The following SPTLC2 variants were observed in gnomAD, a reference collection of about 807,000 sequenced individuals.
SPTLC2 encodes serine palmitoyltransferase long chain base subunit 2, also known as serine palmitoyltransferase 2.
Under a neutral mutation model 62.0 loss-of-function variants are expected in SPTLC2, and 21 were observed. The ratio of observed to expected loss-of-function variants is 0.34; its 90% CI spans 0.24 to 0.49. The LOEUF (loss-of-function observed/expected upper bound fraction) is 0.49. SPTLC2 is among the 20% of genes least tolerant of loss of function. The pLI is 0.99. For missense variants in SPTLC2, 511 were observed against 713.0 expected, an observed-to-expected ratio of 0.72 and a Z score of 3.23; for synonymous variants, 261 against 261.8, an observed-to-expected ratio of 1.00 and a Z score of 0.03.
intron 8 of SPTLC2, among the ~76,000 whole-genome samples, chr14:77,553,063 T>C (rs1442990247): frequency 6.6e-6 from 1 of 152,166 alleles, no homozygotes; most frequent in Non-Finnish European, 1.5e-5. Flanking sequence ...ACTTACAAGG[T>C]ATTTTATTAA....
chr14:77,591,887 G>A (rs893786059), intron 2 of SPTLC2, among the ~76,000 whole-genome samples: 3 of 151,806 alleles, frequency 2.0e-5, no homozygotes. Flanking sequence ...CCACGCCCCA[G>A]ATAATTCTTG....
At chr14:77,598,588 T>C (rs2079860832) in intron 1 of SPTLC2, among the ~76,000 whole-genome samples, 1 of 152,198 alleles carries the variant, frequency 6.6e-6, no homozygotes, top group Admixed American at 6.5e-5. Context: ...TTAACCTTTG[T>C]TGGTAGTGAT....
intron 7 of SPTLC2, among the ~76,000 whole-genome samples, chr14:77,556,741 T>C (rs1000753185): frequency 1.3e-5 from 2 of 152,002 alleles, no homozygotes; most frequent in Non-Finnish European, 2.9e-5. Flanking sequence ...TGTTTTGACA[T>C]ATTAAAATAT....
chr14:77,588,980 G>A (rs2079798597), intron 2 of SPTLC2, among the ~76,000 whole-genome samples: 3 of 101,258 alleles, frequency 3.0e-5, no homozygotes, highest in Admixed American at 2.9e-4. Context: ...CTGGGTGACA[G>A]AGTAAGACCT....
At chr14:77,564,223 C>T in intron 5 of SPTLC2, among the ~76,000 whole-genome samples, 1 of 111,316 alleles carries the variant, frequency 9.0e-6, no homozygotes, top group Admixed American at 1.2e-4. Context: ...CAGAGGGAGA[C>T]TCTGTCTGGG....
Position 77,555,467 on chromosome 14 carries a change from A to G in SPTLC2, c.1009T>C (p.Tyr337His), listed in dbSNP as rs2079578053. Residue 337 changes from tyrosine (Y) to histidine (H), a missense_variant, in exon 8 of 12, where the codon TAC (tyrosine) becomes CAC (histidine). Tyr to His is a moderately conservative substitution (Grantham distance 83). Coordinates refer to ENST00000216484, the MANE Select transcript of SPTLC2 (RefSeq NM_004863.4). ...LPEVIALKKK[Y>H]KAYLYLDEAH... ...TCATCCAGATACAAGTATGCCTTGT[A>G]TTTCTTCTTGAGGGCAATCACTTCA... 6.2e-7 allele frequency: 1 copy of G among 1,614,136 alleles called. No individual in the cohort carries two copies. The highest frequency in any genetic ancestry group is 8.5e-7 in the Non-Finnish European group (1 of 1,180,026).
intron 1 of SPTLC2, among the ~76,000 whole-genome samples, chr14:77,614,027 A>C (rs2079951690): frequency 6.6e-6 from 1 of 152,234 alleles, no homozygotes; most frequent in Non-Finnish European, 1.5e-5. Context: ...GTTTTCTAGA[A>C]GGGATACTGC....
At chr14:77,613,088 T>C (rs975760595) in intron 1 of SPTLC2, among the ~76,000 whole-genome samples, 3 of 152,122 alleles carry the variant, frequency 2.0e-5, no homozygotes, top group African/African-American at 7.2e-5. Context: ...AACTACTATA[T>C]TTCAGGTGCA....
intron 9 of SPTLC2, among the ~76,000 whole-genome samples, chr14:77,529,300 G>T: frequency 7.3e-6 from 1 of 136,722 alleles, no homozygotes; most frequent in Admixed American, 7.7e-5. Context: ...TTCTAGGACA[G>T]TTTAAACCAG....
At chr14:77,532,677 G>A (rs1017917456) in intron 9 of SPTLC2, among the ~76,000 whole-genome samples, 197 of 152,076 alleles carry the variant, frequency 1.3e-3, no homozygotes, top group African/African-American at 4.4e-3. Flanking sequence ...CCAGCTACTC[G>A]GGAGGCTGAG....
chr14:77,582,691 G>A (rs1157143645), intron 2 of SPTLC2, among the ~76,000 whole-genome samples: 3 of 152,190 alleles, frequency 2.0e-5, no homozygotes, highest in African/African-American at 7.2e-5. Context: ...GCCTGCCATG[G>A]TCAGGCATTT....
At position 77,511,738 on chromosome 14, in the gene SPTLC2, G is replaced by C. The variant is rs2079333146; in HGVS notation, c.*546C>G. The C allele has an allele frequency of 5.8e-6, 1 of 173,256 alleles. No homozygotes were observed. The allele number at this position is 173,256 out of a possible 1,614,324, so 10.7% of individuals were successfully genotyped here. A position where few individuals can be genotyped will look rare whatever the true frequency, so the allele number is the denominator to read the frequency against. ...TCATCGCTTACTGTTTTTCTTAAAAGGCTAAACTTAAGATTAAAGGGTGAA... is the reference window on the plus strand; with the variant it reads ...TCATCGCTTACTGTTTTTCTTAAAACGCTAAACTTAAGATTAAAGGGTGAA... On this transcript the variant is annotated 3_prime_UTR_variant, in exon 12 of 12. Coordinates refer to ENST00000216484, the MANE Select transcript of SPTLC2 (RefSeq NM_004863.4).
rs36088012 is a variant in SPTLC2 at position 77,587,925 on chromosome 14, T to TTTGTTG, written c.328-8822_328-8817dup. ...GTTTTGAATTTTTATTTGGGCAACA[T>TTTGTTG]TTGTTGTTGTTGTTGTTGTTATTGT... On this transcript the variant is annotated intron_variant, in intron 2 of 11. Coordinates refer to ENST00000216484, the MANE Select transcript of SPTLC2 (RefSeq NM_004863.4). 4.0e-4 allele frequency among the ~76,000 whole-genome samples: 61 copies of TTTGTTG among 151,202 alleles called. 1 individual carries two copies. Among genetic ancestry groups the TTTGTTG allele is most frequent in the Non-Finnish European group, 7.5e-4 (51 of 67,830 alleles).
intron 6 of SPTLC2, among the ~76,000 whole-genome samples, chr14:77,562,038 G>C (rs2079617590): frequency 6.6e-6 from 1 of 152,176 alleles, no homozygotes; most frequent in Non-Finnish European, 1.5e-5. Flanking sequence ...GTAAGGACTG[G>C]CTTATCTATT....
Position 77,597,453 on chromosome 14 carries a change from A to G in SPTLC2, c.133-73T>C, listed in dbSNP as rs560414312. 4 of 1,419,174 alleles carry G rather than the reference A, an allele frequency of 2.8e-6. No homozygotes were observed. In the South Asian group the frequency reaches 4.7e-5, roughly 17 times the overall value. 87.9% of individuals were successfully genotyped at this position (1,419,174 alleles called of 1,614,324 possible). On this transcript the variant is annotated intron_variant, in intron 1 of 11. Transcript: ENST00000216484. ...ATTCCTACCTAAAATCTAGGTCCTT[A>G]GAGATTTGCTGAATTATACCTTAAG... is the stretch of plus-strand genomic sequence containing the variant.
Position 77,548,685 on chromosome 14 carries a change from C to A in SPTLC2, c.1303+3411G>T, listed in dbSNP as rs185823647. On this transcript the variant is annotated intron_variant, in intron 9 of 11. Coordinates refer to ENST00000216484, the MANE Select transcript of SPTLC2 (RefSeq NM_004863.4). The stretch of plus-strand genomic sequence containing the variant: ...CTCACCTGAGATCCTAGTGAAGTTG[C>A]CTTTCAAGATCTGTCAACCTAGTCA... Among the ~76,000 whole-genome samples, 343 of 152,268 alleles carry A rather than the reference C, an allele frequency of 2.3e-3. 5 individuals are homozygous for A. The highest frequency in any genetic ancestry group is 0.017 in the South Asian group (81 of 4,820).
At chr14:77,553,332 G>GT (rs1418254321) in intron 8 of SPTLC2, among the ~76,000 whole-genome samples, 1 of 152,060 alleles carries the variant, frequency 6.6e-6, no homozygotes, top group Non-Finnish European at 1.5e-5. Context: ...ATCTCCCAGA[G>GT]TATTATTTTT....
Position 77,516,742 on chromosome 14 carries a change from C to A in SPTLC2, c.1569+1296G>T, listed in dbSNP as rs78193649. Among the ~76,000 whole-genome samples, 1,006 of 152,108 alleles carry A rather than the reference C, an allele frequency of 6.6e-3. 9 individuals carry two copies. Among genetic ancestry groups the A allele is most frequent in the African/African-American group, 0.023 (958 of 41,494 alleles). The stretch of plus-strand genomic sequence containing the variant: ...TGCCTATAGTTAACAATACTGTATT[C>A]GACATGGAAAAATTTGTTAAGAGGA... On this transcript the variant is annotated intron_variant, in intron 11 of 11. Coordinates refer to ENST00000216484, the MANE Select transcript of SPTLC2 (RefSeq NM_004863.4).
chr14:77,558,189 C>A (rs1361308324), intron 6 of SPTLC2, among the ~76,000 whole-genome samples: 2 of 151,848 alleles, frequency 1.3e-5, no homozygotes, highest in Non-Finnish European at 2.9e-5. Context: ...CTCGGATTAC[C>A]AGCACCCGCC....
Sources: gnomAD v4.1 joint callset for allele counts (sites outside exome capture counted in the v4.1 genomes callset) on GRCh38, gnomAD v4.1.1 for gene constraint, MANE v1.5 for transcripts, NCBI Gene and HGNC (gene_info 2026-07-23, HGNC 2026-07-21) for gene names.